Variants in HLCS observed in about 807,000 individuals in gnomAD.
HLCS encodes biotin--protein ligase.
HLCS carries 53 observed loss-of-function variants against 75.0 expected under a neutral mutation model. The observed-to-expected ratio is 0.71, with a 90% CI of 0.57 to 0.89. HLCS has a LOEUF of 0.89. Among genes scored for constraint, HLCS ranks in the 40% least tolerant of loss-of-function variants. The probability of loss-of-function intolerance (pLI) is 0.00; values close to 1 mark genes in which losing one functional copy is unlikely to be tolerated. For missense variants in HLCS, 966 were observed against 1,074.0 expected (o/e 0.90, Z 1.41); for synonymous variants, 431 against 428.6 (o/e 1.01, Z -0.07).
chr21:36,775,280 G>A (rs573920065), intron 6 of HLCS, among the ~76,000 whole-genome samples: 2 of 152,334 alleles, frequency 1.3e-5, no homozygotes, highest in African/African-American at 4.8e-5. Flanking sequence ...GGAGCCCAGT[G>A]GATTCAGCTT....
Position 36,759,728 on chromosome 21 carries a change from A to C in HLCS, c.2235T>G (p.Ile745Met), listed in dbSNP as rs2089753703. The C allele has an allele frequency of 1.9e-6, 3 of 1,555,750 alleles. No homozygotes were observed. Among genetic ancestry groups the C allele is most frequent in the African/African-American group, 1.4e-5 (1 of 73,798 alleles). Residue 745 changes from isoleucine (I) to methionine (M), a missense_variant and splice_region_variant, in exon 9 of 11, where the codon ATT (isoleucine) becomes ATG (methionine). Coordinates refer to ENST00000674895, the MANE Select transcript of HLCS (RefSeq NM_001352514.2). ...GGGGGAAAGGTTTTTGAAACTTACC[A>C]ATAAGTATATAAAATGTTTCTCCCA... ...TLMGETFYILIGCGFNVTNSN... is the reference protein window; with the variant it reads ...TLMGETFYILMGCGFNVTNSN...
At chr21:36,880,113 T>C (rs1199615444) in intron 6 of HLCS, among the ~76,000 whole-genome samples, 1 of 152,104 alleles carries the variant, frequency 6.6e-6, no homozygotes, top group African/African-American at 2.4e-5. Flanking sequence ...CCTCATTCGT[T>C]TCCAATGATG....
At chr21:36,775,637 C>T (rs1247375952) in intron 6 of HLCS, among the ~76,000 whole-genome samples, 2 of 152,228 alleles carry the variant, frequency 1.3e-5, no homozygotes, top group Non-Finnish European at 2.9e-5. Context: ...CAGGAGTCTC[C>T]GGATCCTCCA....
chr21:36,924,366 C>A (rs2066307755), intron 5 of HLCS, among the ~76,000 whole-genome samples: 2 of 152,106 alleles, frequency 1.3e-5, no homozygotes, highest in African/African-American at 4.8e-5. Flanking sequence ...TTGAGACCAG[C>A]CTGACTAACA....
chr21:36,809,260 A>T (rs1339920985), intron 6 of HLCS, among the ~76,000 whole-genome samples: 1 of 152,056 alleles, frequency 6.6e-6, no homozygotes, highest in African/African-American at 2.4e-5. Context: ...CTCTTTCAGT[A>T]CCTTGAAAAT....
chr21:36,878,022 C>G (rs1233085770), intron 6 of HLCS, among the ~76,000 whole-genome samples: 1 of 150,426 alleles, frequency 6.6e-6, no homozygotes, highest in South Asian at 2.1e-4. Context: ...TTTTTTTAAT[C>G]TTTGGTCTGC....
At chr21:36,824,711 C>T (rs1045843491) in intron 6 of HLCS, among the ~76,000 whole-genome samples, 3 of 152,152 alleles carry the variant, frequency 2.0e-5, no homozygotes, top group African/African-American at 4.8e-5. Context: ...AGGGATTTTA[C>T]GAGAACTAGA....
chr21:36,891,203 A>G (rs757072829), intron 6 of HLCS, among the ~76,000 whole-genome samples: 8 of 152,232 alleles, frequency 5.3e-5, no homozygotes, highest in Non-Finnish European at 1.0e-4. Context: ...TGGCTCAAGT[A>G]AGAACATAAA....
At chr21:36,789,708 T>A (rs1285719587) in intron 6 of HLCS, among the ~76,000 whole-genome samples, 1 of 152,264 alleles carries the variant, frequency 6.6e-6, no homozygotes, top group Non-Finnish European at 1.5e-5. Flanking sequence ...ATTGCCACCT[T>A]ACGCATTTTC....
At chr21:36,776,560 G>A (rs949996158) in intron 6 of HLCS, among the ~76,000 whole-genome samples, 10 of 152,014 alleles carry the variant, frequency 6.6e-5, no homozygotes, top group South Asian at 6.2e-4. Context: ...GATTACAGGC[G>A]TGCACCACCA....
intron 6 of HLCS, among the ~76,000 whole-genome samples, chr21:36,827,892 C>T (rs1373795626): frequency 1.3e-5 from 2 of 150,660 alleles, no homozygotes; most frequent in South Asian, 2.1e-4. Context: ...TGGCTCACTG[C>T]AAGCTCCACC....
intron 6 of HLCS, among the ~76,000 whole-genome samples, chr21:36,866,592 T>C (rs574413587): frequency 1.1e-4 from 16 of 152,340 alleles, no homozygotes; most frequent in Admixed American, 7.2e-4. Flanking sequence ...TTTTCATGAC[T>C]GGGCAAATTC....
intron 6 of HLCS, chr21:36,896,563 A>G (rs2065018884): frequency 4.5e-6 from 2 of 440,970 alleles, no homozygotes; most frequent in Non-Finnish European, 8.3e-6. Context: ...GCCACCGGTT[A>G]AACATCTTTT....
chr21:36,963,912 GATTTT>G (rs1203642871), intron 1 of HLCS, among the ~76,000 whole-genome samples: 1 of 152,154 alleles, frequency 6.6e-6, no homozygotes, highest in Non-Finnish European at 1.5e-5. Context: ...TCATGCATTT[GATTTT>G]AAGTGTATAA....
chr21:36,919,500 C>T (rs1035487017), intron 5 of HLCS, among the ~76,000 whole-genome samples: 6 of 152,216 alleles, frequency 3.9e-5, no homozygotes, highest in Admixed American at 2.0e-4. Flanking sequence ...ATACGTGCTC[C>T]AGCAAGCCAG....
intron 1 of HLCS, among the ~76,000 whole-genome samples, chr21:36,973,093 G>A (rs2068836165): frequency 6.6e-6 from 1 of 151,964 alleles, no homozygotes; most frequent in African/African-American, 2.4e-5. Flanking sequence ...AGCCAAGCAT[G>A]GTGGTGCATG....
chr21:36,968,171 T>TA (rs909010855), upstream of HLCS, among the ~76,000 whole-genome samples: 3 of 152,120 alleles, frequency 2.0e-5, no homozygotes, highest in African/African-American at 2.4e-5. Flanking sequence ...TTATTTTTCA[T>TA]AGAGACAGGG....
chr21:36,967,294 C>T (rs901706027), upstream of HLCS, among the ~76,000 whole-genome samples: 3 of 152,188 alleles, frequency 2.0e-5, no homozygotes, highest in African/African-American at 7.2e-5. Flanking sequence ...AGGTCAATCA[C>T]ATACATTCAC....
At chr21:36,902,532 G>C (rs544902284) in intron 5 of HLCS, among the ~76,000 whole-genome samples, 1 of 152,350 alleles carries the variant, frequency 6.6e-6, no homozygotes, top group African/African-American at 2.4e-5. Context: ...GAAATTCGCT[G>C]CTCCCACCCT....
Sources: allele counts gnomAD v4.1 joint callset (sites outside exome capture counted in the v4.1 genomes callset), GRCh38; gene constraint gnomAD v4.1.1; transcripts MANE v1.5; gene names NCBI Gene and HGNC (gene_info 2026-07-23, HGNC 2026-07-21).